Variants in PRKCG observed in about 807,000 individuals in gnomAD.
The protein encoded by PRKCG is protein kinase C gamma type.
In PRKCG, 28 loss-of-function variants were observed where a neutral mutation model predicts 82.0. The observed-to-expected ratio is 0.34, with a 90% confidence interval of 0.25 to 0.47. The LOEUF (loss-of-function observed/expected upper bound fraction) is 0.47. Ranked by LOEUF, PRKCG falls within the 20% of genes least tolerant of loss-of-function variation. The pLI, the probability that PRKCG is intolerant of heterozygous loss-of-function variation, is 1.00. For synonymous variants in PRKCG, 383 were observed against 376.6 expected (o/e 1.02, Z -0.20); for missense variants, 640 against 952.7 (o/e 0.67, Z 4.32).
At chr19:53,903,261 G>A in intron 15 of PRKCG, 108 bp downstream of exon 15, 1 of 862,438 alleles carries the variant, frequency 1.2e-6, no homozygotes, top group South Asian at 1.3e-5. Context: ...TGCTCGAATA[G>A]CGCTGTCCAT....
intron 9 of PRKCG, among the ~76,000 whole-genome samples, chr19:53,893,901 C>A (rs1313599553): frequency 6.6e-6 from 1 of 151,330 alleles, no homozygotes; most frequent in Non-Finnish European, 1.5e-5. Context: ...TTACAGGTGA[C>A]CGCCACCACA....
chr19:53,906,534 T>TG (rs1480899954), intron 17 of PRKCG, 77 bp downstream of exon 17: 1 of 1,573,490 alleles, frequency 6.4e-7, no homozygotes, highest in African/African-American at 1.4e-5. Context: ...TACCTGTATG[T>TG]GGGGGTGGGG....
chr19:53,893,153 G>A, intron 8 of PRKCG, 78 bp downstream of exon 8: 1 of 1,405,714 alleles, frequency 7.1e-7, no homozygotes, highest in Non-Finnish European at 9.9e-7. Flanking sequence ...TTCCACCCCT[G>A]AGTGCCCGCT....
At chr19:53,897,006 G>T (rs1274918556) in intron 9 of PRKCG, among the ~76,000 whole-genome samples, 1 of 151,838 alleles carries the variant, frequency 6.6e-6, no homozygotes, top group Non-Finnish European at 1.5e-5. Context: ...GAAGGGGAGG[G>T]GAGAGCTTTA....
At chr19:53,905,932 C>T (rs1255169760) in intron 16 of PRKCG, among the ~76,000 whole-genome samples, 2 of 143,554 alleles carry the variant, frequency 1.4e-5, no homozygotes, top group Admixed American at 1.4e-4. Context: ...CTCTCTCTCT[C>T]TCACTCACTC....
intron 3 of PRKCG, among the ~76,000 whole-genome samples, chr19:53,886,854 T>C (rs906013278): frequency 2.0e-5 from 3 of 152,268 alleles, no homozygotes; most frequent in Admixed American, 2.0e-4. Context: ...TCTGCACTTG[T>C]TGAATTCCTT....
rs148207688 is a variant in PRKCG at position 53,889,687 on chromosome 19, C to T, written c.335C>T (p.Thr112Ile). ...CGCCTGCATAGCTACAGCAGCCCCA[C>T]CTTCTGCGACCACTGTGGCTCCCTC... The part of the protein sequence containing the change: ...KFRLHSYSSP[T>I]FCDHCGSLLY... Residue 112 changes from threonine to isoleucine, a missense_variant, in exon 4 of 18, where the codon ACC becomes ATC. Thr to Ile is a moderately conservative substitution (Grantham distance 89, BLOSUM62 -1). Around this residue, in one of 7 missense-constraint regions of PRKCG, gnomAD observed 50 missense variants for 146.5 expected, o/e 0.34. Coordinates refer to ENST00000263431, the MANE Select transcript of PRKCG (RefSeq NM_002739.5). This position sits in a 1 kb window ranked among gnomAD's most constrained non-coding sequence, Gnocchi z 4.4. 7 of 1,614,202 alleles carry T rather than the reference C, an allele frequency of 4.3e-6. No homozygotes were observed. The highest frequency in any genetic ancestry group is 5.9e-6 in the Non-Finnish European group (7 of 1,180,034).
chr19:53,883,187 A>T lies in PRKCG; in HGVS notation c.195A>T (p.Gln65His). ...FIWGIGKQGL[Q>H]CQVCSFVVHR... ...GGGGTATCGGAAAGCAGGGCCTGCA[A>T]TGTCAAGGTAAGAGCTGGGGACCGG... Residue 65 changes from glutamine (Q) to histidine (H), a missense_variant, in exon 2 of 18, where the codon CAA becomes CAT. By Grantham distance (24) the Gln-to-His change is conservative. Coordinates refer to ENST00000263431, the MANE Select transcript of PRKCG (RefSeq NM_002739.5). This position sits in a 1 kb window ranked among gnomAD's most constrained non-coding sequence, Gnocchi z 5.4. The T allele has an allele frequency of 6.2e-7, 1 of 1,613,830 alleles. No homozygotes were observed. The highest frequency in any genetic ancestry group is 8.5e-7 in the Non-Finnish European group (1 of 1,179,900).
intron 16 of PRKCG, among the ~76,000 whole-genome samples, chr19:53,905,852 C>T: frequency 6.9e-6 from 1 of 144,820 alleles, no homozygotes; most frequent in Non-Finnish European, 1.5e-5. Flanking sequence ...CTCTGTGTGT[C>T]CCTGGGTCTC....
In PRKCG at chr19:53,889,599, C is replaced by A. The variant is rs1395116561; in HGVS notation, c.286-39C>A. On this transcript the variant is annotated intron_variant, in intron 3 of 17. Coordinates refer to ENST00000263431, the MANE Select transcript of PRKCG (RefSeq NM_002739.5). The surrounding 1 kb of genome is among the most constrained non-coding windows in gnomAD (Gnocchi z 4.4). ...GGCCCCTCCCCTGGGGTTTTAGGAC[C>A]CTCCCAACGCCCCCTAAGCCAGTCT... The A allele has an allele frequency of 6.5e-6, 10 of 1,533,646 alleles. No homozygotes were observed. In the Admixed American group the frequency reaches 1.2e-4, roughly 18 times the overall value.
At chr19:53,899,122 C>T (rs1412110350) in intron 11 of PRKCG, among the ~76,000 whole-genome samples, 2 of 146,522 alleles carry the variant, frequency 1.4e-5, no homozygotes, top group Non-Finnish European at 3.0e-5. Context: ...AGGGCGTGGT[C>T]GGGCGGATGA....
rs2068752078 is a variant in PRKCG, at chr19:53,900,170, G to A, written c.1282-63G>A. The A allele has an allele frequency of 3.4e-6, 5 of 1,488,584 alleles. No individual in the cohort carries two copies. Among genetic ancestry groups the A allele is most frequent in the Non-Finnish European group, 4.7e-6 (5 of 1,066,026 alleles). The allele number at this position is 1,488,584 out of a possible 1,614,324, so 92.2% of individuals were successfully genotyped here. On this transcript the variant is annotated intron_variant, in intron 11 of 17. Coordinates refer to ENST00000263431, the MANE Select transcript of PRKCG (RefSeq NM_002739.5). This position sits in a 1 kb window ranked among gnomAD's most constrained non-coding sequence, Gnocchi z 4.2. ...TTCCACGTCTGTCCTGAGTGATCAG[G>A]AAAGAAATTCTCCTACTCTGGGTAG...
At position 53,905,671 on chromosome 19, in the gene PRKCG, A is replaced by G. The variant is rs201945000; in HGVS notation, c.1765-646A>G. 2.2e-3 allele frequency among the ~76,000 whole-genome samples: 121 copies of G among 55,572 alleles called. 2 individuals carry two copies. The East Asian group carries it at 0.05, about 23-fold the overall frequency. 36.5% of individuals were successfully genotyped at this position (55,572 alleles called of 152,430 possible). A position where few individuals can be genotyped will look rare whatever the true frequency, so the allele number is the denominator to read the frequency against. ...CCCCATTCCCTCCCTCTTCCCCTTC[A>G]TCTCCTCTACCCTTCCCTCCCTCCC... On this transcript the variant is annotated intron_variant, in intron 16 of 17. Coordinates refer to ENST00000263431, the MANE Select transcript of PRKCG (RefSeq NM_002739.5).
At chr19:53,901,623 G>A (rs555660336) in intron 14 of PRKCG, among the ~76,000 whole-genome samples, 129 of 149,904 alleles carry the variant, frequency 8.6e-4, no homozygotes, top group Non-Finnish European at 1.6e-3. Context: ...AGGCTGAGGC[G>A]GGCGGATCAC....
In PRKCG at chr19:53,889,881, T is replaced by G. The variant is rs1394520939; in HGVS notation, c.398-5T>G. On this transcript the variant is annotated splice_polypyrimidine_tract_variant and splice_region_variant and intron_variant, in intron 4 of 17. Coordinates refer to ENST00000263431, the MANE Select transcript of PRKCG (RefSeq NM_002739.5). The surrounding 1 kb of genome is among the most constrained non-coding windows in gnomAD (Gnocchi z 4.4). Reference sequence around the variant, plus strand: ...TGAGGTGCTACCCGCAGCTTTCCCCTCCAGGCTGCGAGATGAACGTGCACC... The same window carrying G: ...TGAGGTGCTACCCGCAGCTTTCCCCGCCAGGCTGCGAGATGAACGTGCACC... 6.4e-6 allele frequency: 10 copies of G among 1,565,150 alleles called. No individual in the cohort carries two copies. Among genetic ancestry groups the G allele is most frequent in the Non-Finnish European group, 8.7e-6 (10 of 1,154,720 alleles).
At chr19:53,902,899 A>AAAAAAAAAAC (rs2068774647) in intron 14 of PRKCG, among the ~76,000 whole-genome samples, 174 bp from the exon 15 acceptor site, 1 of 150,080 alleles carries the variant, frequency 6.7e-6, no homozygotes, top group Non-Finnish European at 1.5e-5. Context: ...TCAAAAAAAA[A>AAAAAAAAAAC]AAAAAAAAAA....
At chr19:53,890,412 AAG>A (rs1472268335) in intron 5 of PRKCG, among the ~76,000 whole-genome samples, 22 of 150,018 alleles carry the variant, frequency 1.5e-4, no homozygotes, top group Middle Eastern at 7.3e-3. Context: ...GCGTGTCACC[AAG>A]CCCGGCTAAT....
chr19:53,887,990 G>A (rs1195156299), intron 3 of PRKCG, among the ~76,000 whole-genome samples: 1 of 152,170 alleles, frequency 6.6e-6, no homozygotes, highest in Non-Finnish European at 1.5e-5. Flanking sequence ...AGGGGATAGA[G>A]GCAAGATTTG....
At position 53,883,980 on chromosome 19, in the gene PRKCG, C is replaced by A. The variant is rs2068612767; in HGVS notation, c.203-181C>A. Reference sequence around the variant, plus strand: ...CTGAGCCCATCTCTTGGGTTTCTGTCTCCTGCTTCTCTCTCTGGCCTCCGA... The same window carrying A: ...CTGAGCCCATCTCTTGGGTTTCTGTATCCTGCTTCTCTCTCTGGCCTCCGA... On this transcript the variant is annotated intron_variant, in intron 2 of 17. Coordinates refer to ENST00000263431, the MANE Select transcript of PRKCG (RefSeq NM_002739.5). This position sits in a 1 kb window ranked among gnomAD's most constrained non-coding sequence, Gnocchi z 5.4. Among the ~76,000 whole-genome samples the A allele has an allele frequency of 6.6e-6, 1 of 152,102 alleles. No homozygotes were observed. Among genetic ancestry groups the A allele is most frequent in the Non-Finnish European group, 1.5e-5 (1 of 68,016 alleles).
Sources: allele counts gnomAD v4.1 joint callset (sites outside exome capture counted in the v4.1 genomes callset), GRCh38; gene constraint gnomAD v4.1.1; regional missense constraint gnomAD v4.1.1; non-coding constraint Gnocchi (gnomAD v3.1); transcripts MANE v1.5; gene names NCBI Gene and HGNC (gene_info 2026-07-23, HGNC 2026-07-21).